Variants in CLEC3B observed in about 807,000 individuals in gnomAD.
CLEC3B encodes the protein C-type lectin domain family 3 member B, also known as tetranectin.
Under a neutral mutation model 15.4 loss-of-function variants are expected in CLEC3B, and 13 were observed. That is an observed-to-expected ratio of 0.84 (90% CI 0.55 to 1.34). The LOEUF (loss-of-function observed/expected upper bound fraction) is 1.34, where lower values mean the gene tolerates loss of function less well. Ranked by LOEUF, CLEC3B falls within the 40% of genes most tolerant of loss-of-function variation. The pLI is 0.00. For synonymous variants in CLEC3B, 112 were observed against 114.7 expected (o/e 0.98, Z 0.15); for missense variants, 242 against 268.6 (o/e 0.90, Z 0.69).
At chr3:45,035,239 G>T (rs1697620776) in intron 2 of CLEC3B, among the ~76,000 whole-genome samples, 1 of 152,206 alleles carries the variant, frequency 6.6e-6, no homozygotes, top group Admixed American at 6.5e-5. Flanking sequence ...AGGGGTGTCA[G>T]CTGGGGCTGG....
chr3:45,031,107 C>T (rs1261109283), intron 2 of CLEC3B, among the ~76,000 whole-genome samples, 182 bp downstream of exon 2: 1 of 152,240 alleles, frequency 6.6e-6, no homozygotes, highest in Non-Finnish European at 1.5e-5. Context: ...GATCCCCTGA[C>T]ACGTGTCTGC....
At chr3:45,027,377 T>G (rs1269063995) in intron 1 of CLEC3B, among the ~76,000 whole-genome samples, 1 of 152,100 alleles carries the variant, frequency 6.6e-6, no homozygotes, top group African/African-American at 2.4e-5. Context: ...GTGCAGTGCA[T>G]AAAGGGACAT....
At chr3:45,028,686 T>C (rs1404584571) in intron 1 of CLEC3B, among the ~76,000 whole-genome samples, 2 of 152,110 alleles carry the variant, frequency 1.3e-5, no homozygotes, top group East Asian at 3.9e-4. Flanking sequence ...CAGGGATTCC[T>C]AGGAGCAGCC....
In CLEC3B at chr3:45,030,740, G is replaced by A. The variant is rs755269262; in HGVS notation, c.110-87G>A. 9.2e-6 allele frequency: 8 copies of A among 868,816 alleles called. No individual in the cohort carries two copies. The South Asian group carries it at 9.6e-5, about 10-fold the overall frequency. The allele number at this position is 868,816 out of a possible 1,614,324, so 53.8% of individuals were successfully genotyped here. A position where few individuals can be genotyped will look rare whatever the true frequency, so the allele number is the denominator to read the frequency against. On this transcript the variant is annotated intron_variant, in intron 1 of 2. Coordinates refer to ENST00000296130, the MANE Select transcript of CLEC3B (RefSeq NM_003278.3). ...TCCCAAGATATCAAGGTTGAGGGGA[G>A]TCTTTTCCTCTCATCCCTCTGCAGC...
Position 45,035,901 on chromosome 3 carries a change from AT to A in CLEC3B, c.587del (p.Ile196ThrfsTer?). 1 of 1,603,754 alleles carries A rather than the reference AT, an allele frequency of 6.2e-7. No individual in the cohort carries two copies. The highest frequency in any genetic ancestry group is 1.1e-5 in the South Asian group (1 of 90,880). Reference protein sequence around the residue: ...DKRCRDQLPYICQFGIV With the variant: ...DKRCRDQLPYXCQFGIV ...GCGCTGCCGCGATCAGCTGCCCTAC[AT>A]CTGCCAGTTCGGGATCGTGTAGCCG... On this transcript the variant is annotated frameshift_variant, in exon 3 of 3. Transcript: ENST00000296130. LOFTEE classifies it high-confidence loss of function.
At chr3:45,032,810 G>A (rs1450743748) in intron 2 of CLEC3B, among the ~76,000 whole-genome samples, 2 of 152,254 alleles carry the variant, frequency 1.3e-5, no homozygotes, top group Non-Finnish European at 2.9e-5. Context: ...CAAGTAGGTA[G>A]TTATAAGTTT....
intron 1 of CLEC3B, among the ~76,000 whole-genome samples, chr3:45,029,804 T>TA (rs1310197515): frequency 6.6e-6 from 1 of 152,104 alleles, no homozygotes; most frequent in Non-Finnish European, 1.5e-5. Flanking sequence ...CACATAGAAA[T>TA]ATGCTTCCCG....
Position 45,032,606 on chromosome 3 carries a change from T to C in CLEC3B, c.208+1681T>C, listed in dbSNP as rs533678843. ...ATTGCCCTTGTCTCTTCCACTACCC[T>C]GCCCAGCATAGTGCCTGCCACATAG... is the stretch of plus-strand genomic sequence containing the variant. On this transcript the variant is annotated intron_variant, in intron 2 of 2. Coordinates refer to ENST00000296130, the MANE Select transcript of CLEC3B (RefSeq NM_003278.3). 1.6e-4 allele frequency among the ~76,000 whole-genome samples: 24 copies of C among 152,342 alleles called. No homozygotes were observed. The East Asian group carries it at 3.9e-3, about 24-fold the overall frequency.
chr3:45,032,164 T>A (rs1697567886), intron 2 of CLEC3B, among the ~76,000 whole-genome samples: 1 of 152,160 alleles, frequency 6.6e-6, no homozygotes, highest in Non-Finnish European at 1.5e-5. Context: ...CTGTTGCTTT[T>A]GTGACCAAGG....
intron 2 of CLEC3B, among the ~76,000 whole-genome samples, chr3:45,033,319 C>T (rs1697590698): frequency 1.3e-5 from 2 of 152,140 alleles, no homozygotes; most frequent in Admixed American, 1.3e-4. Context: ...ATATGAAAGC[C>T]CCCATGTCTG....
chr3:45,035,366 T>C (rs1697623092), intron 2 of CLEC3B, among the ~76,000 whole-genome samples, 158 bp from the exon 3 acceptor site: 1 of 152,120 alleles, frequency 6.6e-6, no homozygotes, highest in Non-Finnish European at 1.5e-5. Context: ...TCAAAGTGCA[T>C]GAACCATCAG....
chr3:45,030,463 G>A (rs1378167625), intron 1 of CLEC3B, among the ~76,000 whole-genome samples: 1 of 152,172 alleles, frequency 6.6e-6, no homozygotes, highest in Non-Finnish European at 1.5e-5. Context: ...GAACCTGGGG[G>A]CTTCTTGAGG....
chr3:45,035,983 A>T lies in CLEC3B; in HGVS notation c.*59A>T. ...AGGGCAGGGGCCGCGGGAGGCCGGG[A>T]GGAGGGTGGGGACCTTGCAGCCCCC... On this transcript the variant is annotated 3_prime_UTR_variant, in exon 3 of 3. Coordinates refer to ENST00000296130, the MANE Select transcript of CLEC3B (RefSeq NM_003278.3). The T allele has an allele frequency of 2.2e-4, 270 of 1,215,158 alleles. No individual in the cohort carries two copies. The highest frequency in any genetic ancestry group is 2.7e-4 in the Non-Finnish European group (237 of 876,778). The allele number at this position is 1,215,158 out of a possible 1,614,324, so 75.3% of individuals were successfully genotyped here. A position where few individuals can be genotyped will look rare whatever the true frequency, so the allele number is the denominator to read the frequency against.
chr3:45,034,895 T>A (rs2125980926), intron 2 of CLEC3B, among the ~76,000 whole-genome samples: 1 of 152,268 alleles, frequency 6.6e-6, no homozygotes, highest in East Asian at 1.9e-4. Context: ...TTGCTTGGGC[T>A]GTTTGGGTAG....
chr3:45,031,886 T>C (rs1304388154), intron 2 of CLEC3B, among the ~76,000 whole-genome samples: 1 of 57,378 alleles, frequency 1.7e-5, no homozygotes, highest in African/African-American at 8.4e-5. Context: ...AGACTCACAA[T>C]ACTGATGACT....
chr3:45,030,931 TGCAGGCAGTA>T lies in CLEC3B; in HGVS notation c.208+9_208+18del. ...GCAGCAGGCCCTGCAGACGGGTGAG[TGCAGGCAGTA>T]GCCTCTCTGGGCAGGAGCGTCTGAG... On this transcript the variant is annotated splice_region_variant and intron_variant, in intron 2 of 2. Transcript: ENST00000296130. 6.4e-7 allele frequency: 1 copy of T among 1,559,970 alleles called. No homozygotes were observed.
rs990226530 is a variant in CLEC3B at position 45,032,960 on chromosome 3, C to T, written c.208+2035C>T. Among the ~76,000 whole-genome samples the T allele has an allele frequency of 1.8e-4, 27 of 152,304 alleles. No individual in the cohort carries two copies. In the East Asian group the frequency reaches 4.0e-3, roughly 23 times the overall value. On this transcript the variant is annotated intron_variant, in intron 2 of 2. Transcript: ENST00000296130. ...AGGGAACGTAGTCTTCCACTTCCAT[C>T]TCATTGACAAGAAATCTATCATATG...
Position 45,035,855 on chromosome 3 carries a change from C to T in CLEC3B, c.540C>T (p.Ala180=). 6.2e-7 allele frequency: 1 copy of T among 1,612,600 alleles called. No individual in the cohort carries two copies. The highest frequency in any genetic ancestry group is 1.3e-5 in the African/African-American group (1 of 75,058). Reference sequence around the variant, plus strand: ...ACTGCGCGGTCCTGTCAGGCGCGGCCAACGGCAAGTGGTTCGACAAGCGCT... The same window carrying T: ...ACTGCGCGGTCCTGTCAGGCGCGGCTAACGGCAAGTGGTTCGACAAGCGCT... The part of the protein sequence containing the change: ...TENCAVLSGA[A]NGKWFDKRCR... The change falls in exon 3 of 3, where the codon GCC becomes GCT. Residue 180 remains alanine (A), a synonymous_variant. Coordinates refer to ENST00000296130, the MANE Select transcript of CLEC3B (RefSeq NM_003278.3).
chr3:45,032,881 T>G (rs1356591489), intron 2 of CLEC3B, among the ~76,000 whole-genome samples: 2 of 152,180 alleles, frequency 1.3e-5, no homozygotes. Context: ...GCATCATGAG[T>G]GCATTCAAGG....
Sources: gnomAD v4.1 joint callset for allele counts (sites outside exome capture counted in the v4.1 genomes callset) on GRCh38, gnomAD v4.1.1 for gene constraint, MANE v1.5 for transcripts, NCBI Gene and HGNC (gene_info 2026-07-23, HGNC 2026-07-21) for gene names.